Variants in SHISA9 observed in about 807,000 individuals in gnomAD.
SHISA9 encodes the protein shisa family member 9.
In SHISA9, 13 loss-of-function variants were observed where a neutral mutation model predicts 38.0. The ratio of observed to expected loss-of-function variants is 0.34; its 90% CI spans 0.22 to 0.54. The LOEUF is 0.54. SHISA9 is among the 20% of genes least tolerant of loss of function. SHISA9 has a pLI of 0.91. For synonymous variants in SHISA9, 275 were observed against 242.0 expected, an observed-to-expected ratio of 1.14 and a Z score of -1.27; for missense variants, 538 against 575.8, an observed-to-expected ratio of 0.93 and a Z score of 0.67.
At chr16:13,505,747 G>C in the SHISA9 span, among the ~76,000 whole-genome samples, 1 of 152,208 alleles carries the variant, frequency 6.6e-6, no homozygotes, top group Non-Finnish European at 1.5e-5. Flanking sequence ...GAGGTCAAGA[G>C]GCTTCTTGGG....
At chr16:13,006,645 G>A (rs184965080) in intron 2 of SHISA9, among the ~76,000 whole-genome samples, 26 of 152,320 alleles carry the variant, frequency 1.7e-4, no homozygotes, top group Admixed American at 6.5e-4. Flanking sequence ...ACAAGTTAGC[G>A]AAGAAATGAG....
At chr16:12,955,500 A>G (rs752225476) in intron 2 of SHISA9, among the ~76,000 whole-genome samples, 91 of 108,586 alleles carry the variant, frequency 8.4e-4, no homozygotes, top group Non-Finnish European at 1.4e-3. Flanking sequence ...GCCATGAGTT[A>G]TTTATTTATT....
At chr16:13,042,828 A>G (rs1401010695) in intron 2 of SHISA9, among the ~76,000 whole-genome samples, 5 of 152,176 alleles carry the variant, frequency 3.3e-5, no homozygotes, top group Non-Finnish European at 4.4e-5. Context: ...CTAAAGTTAC[A>G]TAAGAGCAGA....
intron 2 of SHISA9, among the ~76,000 whole-genome samples, chr16:13,086,217 T>C (rs1186431367): frequency 2.6e-5 from 4 of 151,726 alleles, no homozygotes; most frequent in African/African-American, 9.7e-5. Context: ...TAGCTGGGCA[T>C]GGTGGCATGT....
chr16:13,000,840 A>G (rs1000609874), intron 2 of SHISA9, among the ~76,000 whole-genome samples: 1 of 152,204 alleles, frequency 6.6e-6, no homozygotes, highest in Non-Finnish European at 1.5e-5. Context: ...AGAGGCTACA[A>G]TTTCAGAAAT....
intron 2 of SHISA9, among the ~76,000 whole-genome samples, chr16:13,112,383 A>G (rs1386409758): frequency 6.6e-6 from 1 of 152,026 alleles, no homozygotes; most frequent in African/African-American, 2.4e-5. Context: ...AGAGGGAGGC[A>G]GGGAGGAAGG....
chr16:13,011,848 CAG>C (rs1453117307), intron 2 of SHISA9, among the ~76,000 whole-genome samples: 2 of 150,866 alleles, frequency 1.3e-5, no homozygotes, highest in Non-Finnish European at 3.0e-5. Flanking sequence ...GTTTTTGAGA[CAG>C]AGTCTTGCTC....
chr16:13,153,815 C>T (rs559028456), intron 2 of SHISA9, among the ~76,000 whole-genome samples: 23 of 152,208 alleles, frequency 1.5e-4, no homozygotes, highest in Admixed American at 2.0e-4. Flanking sequence ...TGTTTGGGAA[C>T]GCAGCATCTC....
chr16:12,953,743 G>A (rs915355497), intron 2 of SHISA9, among the ~76,000 whole-genome samples: 5 of 152,174 alleles, frequency 3.3e-5, no homozygotes, highest in Non-Finnish European at 7.3e-5. Flanking sequence ...ACCTGAGAGT[G>A]GGTAATTTAT....
chr16:13,001,062 G>A (rs1057389032), intron 2 of SHISA9, among the ~76,000 whole-genome samples: 1 of 152,084 alleles, frequency 6.6e-6, no homozygotes, highest in Non-Finnish European at 1.5e-5. Context: ...CGAGTAGCTG[G>A]GACTACAGGT....
At chr16:13,301,455 A>C in the SHISA9 span, among the ~76,000 whole-genome samples, 1 of 152,214 alleles carries the variant, frequency 6.6e-6, no homozygotes, top group Non-Finnish European at 1.5e-5. Flanking sequence ...CGTGAGGTCG[A>C]ATGTACTGTC....
At chr16:13,434,114 G>A in the SHISA9 span, among the ~76,000 whole-genome samples, 1 of 152,194 alleles carries the variant, frequency 6.6e-6, no homozygotes, top group Admixed American at 6.5e-5. Context: ...CAAAGCTGAA[G>A]AACCTGGAGT....
intron 2 of SHISA9, among the ~76,000 whole-genome samples, chr16:13,026,868 A>C (rs1264618967): frequency 6.6e-6 from 1 of 152,212 alleles, no homozygotes; most frequent in Non-Finnish European, 1.5e-5. Context: ...TAGGAGAAGG[A>C]TGTGAAGCTC....
At chr16:12,965,160 T>A (rs1046437502) in intron 2 of SHISA9, among the ~76,000 whole-genome samples, 5 of 152,166 alleles carry the variant, frequency 3.3e-5, no homozygotes, top group African/African-American at 1.2e-4. Flanking sequence ...TTTCAGAGAT[T>A]GTGTGTTACA....
chr16:13,367,717 C>G, the SHISA9 span, among the ~76,000 whole-genome samples: 1 of 122,214 alleles, frequency 8.2e-6, no homozygotes, highest in African/African-American at 3.6e-5. Context: ...CGCGCGCACA[C>G]ACACACACAC....
chr16:13,528,739 C>G, the SHISA9 span, among the ~76,000 whole-genome samples: 4 of 152,166 alleles, frequency 2.6e-5, no homozygotes, highest in Non-Finnish European at 5.9e-5. Context: ...CCTAAAATCC[C>G]TAATTAATTG....
the SHISA9 span, among the ~76,000 whole-genome samples, chr16:13,398,074 T>C: frequency 6.6e-6 from 1 of 152,190 alleles, no homozygotes; most frequent in Admixed American, 6.5e-5. Flanking sequence ...TCTGTCGGTG[T>C]GCTCTTTTGC....
intron 2 of SHISA9, among the ~76,000 whole-genome samples, chr16:13,178,119 TGAA>T (rs1596705539): frequency 1.3e-5 from 2 of 152,172 alleles, no homozygotes; most frequent in Admixed American, 6.5e-5. Context: ...TGCTTGAACT[TGAA>T]GAACACTTGT....
At chr16:13,391,982 G>T in the SHISA9 span, among the ~76,000 whole-genome samples, 394 of 152,226 alleles carry the variant, frequency 2.6e-3, 3 homozygotes, top group African/African-American at 9.0e-3. Flanking sequence ...TGATGGTCCC[G>T]GTTTGCTGGT....
Sources: gnomAD v4.1 joint callset for allele counts (sites outside exome capture counted in the v4.1 genomes callset) on GRCh38, gnomAD v4.1.1 for gene constraint, MANE v1.5 for transcripts, NCBI Gene and HGNC (gene_info 2026-07-23, HGNC 2026-07-21) for gene names.